TTF1: variants seen among roughly 807,000 people sequenced by gnomAD.
The protein encoded by TTF1 is transcription termination factor 1.
In TTF1, 64 loss-of-function variants were observed where a neutral mutation model predicts 80.2. The ratio of observed to expected loss-of-function variants is 0.80; its 90% CI spans 0.65 to 0.98. The LOEUF (loss-of-function observed/expected upper bound fraction) is 0.98. Among genes scored for constraint, TTF1 ranks in the 50% least tolerant of loss-of-function variants. The pLI is 0.00. For synonymous variants in TTF1, 372 were observed against 382.7 expected, an observed-to-expected ratio of 0.97 and a Z score of 0.33; for missense variants, 1,023 against 1,086.2, an observed-to-expected ratio of 0.94 and a Z score of 0.82.
intron 9 of TTF1, among the ~76,000 whole-genome samples, chr9:132,382,318 T>C (rs1416471395): frequency 6.6e-6 from 1 of 152,180 alleles, no homozygotes; most frequent in Non-Finnish European, 1.5e-5. Flanking sequence ...TATATAGTCT[T>C]AAAATGTCTT....
intron 5 of TTF1, among the ~76,000 whole-genome samples, chr9:132,395,457 A>T (rs1306607642): frequency 6.6e-6 from 1 of 152,198 alleles, no homozygotes; most frequent in Non-Finnish European, 1.5e-5. Flanking sequence ...AGCTGCCACC[A>T]TTAACCTGCC....
chr9:132,403,469 C>T (rs931570995), intron 1 of TTF1, among the ~76,000 whole-genome samples: 2 of 151,910 alleles, frequency 1.3e-5, no homozygotes, highest in Admixed American at 6.6e-5. Context: ...ATAACCTTTC[C>T]CCCCCAGCTC....
chr9:132,375,847 T>G lies in TTF1; in HGVS notation c.*68A>C. On this transcript the variant is annotated 3_prime_UTR_variant, in exon 11 of 11. Transcript: ENST00000334270. ...ACAGGTGTGCACTACCACACCCGGC[T>G]AATTTTTGCATTTTTAATAGTGACA... is the stretch of plus-strand genomic sequence containing the variant. The G allele has an allele frequency of 1.0e-6, 1 of 985,948 alleles. No homozygotes were observed. Among genetic ancestry groups the G allele is most frequent in the Non-Finnish European group, 1.5e-6 (1 of 665,068 alleles). 61.1% of individuals were successfully genotyped at this position (985,948 alleles called of 1,614,324 possible).
At position 132,376,694 on chromosome 9, in the gene TTF1, G is replaced by A. The variant is rs147161357; in HGVS notation, c.2465-526C>T. ...TTTTTTTTTTTTGAGATAGGGTCTCGCTCTGTCACCCCAGCTGAAGTGCAG... is the reference window on the plus strand; with the variant it reads ...TTTTTTTTTTTTGAGATAGGGTCTCACTCTGTCACCCCAGCTGAAGTGCAG... On this transcript the variant is annotated intron_variant, in intron 10 of 10. Transcript: ENST00000334270. Among the ~76,000 whole-genome samples, 879 of 144,134 alleles carry A rather than the reference G, an allele frequency of 6.1e-3. 7 individuals are homozygous for A. Among genetic ancestry groups the A allele is most frequent in the Admixed American group, 8.2e-3 (114 of 13,874 alleles). 94.6% of individuals were successfully genotyped at this position (144,134 alleles called of 152,430 possible).
rs149207672 is a variant in TTF1, at chr9:132,398,032, C to T, written c.1777+109G>A. 4.1e-4 allele frequency: 344 copies of T among 830,814 alleles called. 3 individuals carry two copies. Among genetic ancestry groups the T allele is most frequent in the East Asian group, 2.1e-4 (7 of 33,684 alleles). The allele number at this position is 830,814 out of a possible 1,614,324, so 51.5% of individuals were successfully genotyped here. A position where few individuals can be genotyped will look rare whatever the true frequency, so the allele number is the denominator to read the frequency against. On this transcript the variant is annotated intron_variant, in intron 4 of 10. Transcript: ENST00000334270. ...ATCAGCCATCACAGCAGTTAATGTG[C>T]GCCGCCTGCAGGCAATGGGCCAGGT...
intron 9 of TTF1, 103 bp from the exon 10 acceptor site, chr9:132,379,247 T>C: frequency 1.3e-6 from 1 of 789,160 alleles, no homozygotes; most frequent in East Asian, 2.8e-5. Flanking sequence ...TTATAGTTTT[T>C]TTTATCGTAA....
chr9:132,396,342 A>T, intron 5 of TTF1, 91 bp downstream of exon 5: 1 of 1,302,066 alleles, frequency 7.7e-7, no homozygotes, highest in African/African-American at 1.5e-5. Context: ...CGTTATCTTT[A>T]CTGCTAATCC....
intron 8 of TTF1, 79 bp downstream of exon 8, chr9:132,388,060 G>A: frequency 2.6e-6 from 3 of 1,139,826 alleles, no homozygotes; most frequent in Non-Finnish European, 2.6e-6. Flanking sequence ...CAATCTCACT[G>A]CAGACTCTGC....
chr9:132,404,145 T>A (rs1017221405), intron 1 of TTF1, among the ~76,000 whole-genome samples: 1 of 152,224 alleles, frequency 6.6e-6, no homozygotes, highest in Non-Finnish European at 1.5e-5. Flanking sequence ...ATGATCTTCA[T>A]ATTTCCTCTC....
chr9:132,394,254 G>A (rs1010150080), intron 5 of TTF1, among the ~76,000 whole-genome samples: 23 of 151,708 alleles, frequency 1.5e-4, no homozygotes, highest in African/African-American at 4.4e-4. Context: ...TAAATGCAGC[G>A]TATGGTGAAT....
At chr9:132,403,472 C>A (rs562604577) in intron 1 of TTF1, among the ~76,000 whole-genome samples, 24 of 152,208 alleles carry the variant, frequency 1.6e-4, no homozygotes, top group Non-Finnish European at 3.4e-4. Flanking sequence ...ACCTTTCCCC[C>A]CCAGCTCTCC....
intron 2 of TTF1, 44 bp from the exon 3 acceptor site, chr9:132,400,302 T>G: frequency 6.6e-7 from 1 of 1,518,916 alleles, no homozygotes; most frequent in Non-Finnish European, 9.1e-7. Context: ...AACACATCAC[T>G]TGACCTCATA....
rs1571856 is a variant in TTF1, at chr9:132,406,801, G to T, written c.-19C>A. ...CGCTTTCAACTTACCCTCCGAAAGCGCCGCCACCTTTCTCCCAACCCGGAA... is the reference window on the plus strand; with the variant it reads ...CGCTTTCAACTTACCCTCCGAAAGCTCCGCCACCTTTCTCCCAACCCGGAA... On this transcript the variant is annotated 5_prime_UTR_variant, in exon 1 of 11. Coordinates refer to ENST00000334270, the MANE Select transcript of TTF1 (RefSeq NM_007344.4). 1.3e-5 allele frequency: 2 copies of T among 151,962 alleles called. No individual in the cohort carries two copies. Among genetic ancestry groups the T allele is most frequent in the African/African-American group, 4.8e-5 (2 of 41,334 alleles). 9.4% of individuals were successfully genotyped at this position (151,962 alleles called of 1,614,324 possible). A position where few individuals can be genotyped will look rare whatever the true frequency, so the allele number is the denominator to read the frequency against.
At chr9:132,406,706 A>G (rs928014351) in intron 1 of TTF1, 84 bp downstream of exon 1, 4 of 152,020 alleles carry the variant, frequency 2.6e-5, no homozygotes, top group African/African-American at 9.7e-5. Flanking sequence ...GGTCTCCCAG[A>G]AGACGGGGAA....
Position 132,396,497 on chromosome 9 carries a change from G to A in TTF1, c.1792C>T (p.Arg598Trp), listed in dbSNP as rs752589598. Residue 598 changes from arginine (R) to tryptophan (W), a missense_variant, in exon 5 of 11, where the codon CGG (arginine) becomes TGG (tryptophan). Physicochemically the swap from Arg to Trp is moderately radical, Grantham distance 101. Transcript: ENST00000334270. Reference protein sequence around the residue: ...FRLHIGRNIARPWKLIYYRAK... With the variant: ...FRLHIGRNIAWPWKLIYYRAK... ...CGATAGTATATAAGTTTCCAGGGCC[G>A]GGCAATGTTCCTACCTAAAGTCAGA... The A allele has an allele frequency of 2.1e-5, 34 of 1,613,910 alleles. No homozygotes were observed. The highest frequency in any genetic ancestry group is 3.3e-5 in the Admixed American group (2 of 59,968).
chr9:132,400,245 T>A lies in TTF1; in HGVS notation c.1381A>T (p.Asn461Tyr), dbSNP rs1849736333. The A allele has an allele frequency of 6.2e-7, 1 of 1,614,194 alleles. No individual in the cohort carries two copies. The highest frequency in any genetic ancestry group is 8.5e-7 in the Non-Finnish European group (1 of 1,180,026). Residue 461 changes from asparagine (N) to tyrosine (Y), a missense_variant, in exon 3 of 11, where the codon AAT (asparagine) becomes TAT (tyrosine). By Grantham distance (143) the Asn-to-Tyr change is moderately radical. Coordinates refer to ENST00000334270, the MANE Select transcript of TTF1 (RefSeq NM_007344.4). The stretch of plus-strand genomic sequence containing the variant: ...GCTGTTTCCACATTGTGTTCTTCAT[T>A]TGCAGGTTCTAACCTAAGGGGTTAG... Reference protein sequence around the residue: ...VQEAPRLEPANEEHNVETAED... With the variant: ...VQEAPRLEPAYEEHNVETAED...
At chr9:132,385,390 C>G (rs1849446394) in intron 9 of TTF1, among the ~76,000 whole-genome samples, 1 of 152,202 alleles carries the variant, frequency 6.6e-6, no homozygotes, top group Non-Finnish European at 1.5e-5. Flanking sequence ...AACTGGAACT[C>G]CTGGATGTCT....
At position 132,402,262 on chromosome 9, in the gene TTF1, AG is replaced by A; in HGVS notation, c.559del (p.Leu187CysfsTer81). On this transcript the variant is annotated frameshift_variant, in exon 2 of 11. Coordinates refer to ENST00000334270, the MANE Select transcript of TTF1 (RefSeq NM_007344.4). LOFTEE classifies it high-confidence loss of function. The stretch of plus-strand genomic sequence containing the variant: ...CTCCTGGTGGGATTCTGACTGAGGC[AG>A]GGTGTCCCTTGCCCGCTGGCTCTCC... ...SWESQRARDTLPQSESHQEES... is the reference protein window; with the variant it reads ...SWESQRARDTXPQSESHQEES... 2 of 1,614,090 alleles carry A rather than the reference AG, an allele frequency of 1.2e-6. No individual in the cohort carries two copies. Among genetic ancestry groups the A allele is most frequent in the Non-Finnish European group, 1.7e-6 (2 of 1,180,004 alleles).
chr9:132,406,439 T>C (rs1164608299), intron 1 of TTF1, among the ~76,000 whole-genome samples: 1 of 151,856 alleles, frequency 6.6e-6, no homozygotes, highest in African/African-American at 2.4e-5. Context: ...CTGTCTCTAC[T>C]AAAAATACAA....
Sources: gnomAD v4.1 joint callset for allele counts (sites outside exome capture counted in the v4.1 genomes callset) on GRCh38, gnomAD v4.1.1 for gene constraint, MANE v1.5 for transcripts, NCBI Gene and HGNC (gene_info 2026-07-23, HGNC 2026-07-21) for gene names.